TMPRSS4: variants seen among roughly 807,000 people sequenced by gnomAD.
The protein encoded by TMPRSS4 is transmembrane serine protease 4, also known as transmembrane protease serine 4.
Under a neutral mutation model 56.4 loss-of-function variants are expected in TMPRSS4, and 45 were observed. That is an observed-to-expected ratio of 0.80 (90% CI 0.63 to 1.02). The LOEUF (loss-of-function observed/expected upper bound fraction) is 1.02, where lower values mean the gene tolerates loss of function less well. TMPRSS4 is among the 50% of genes least tolerant of loss of function. TMPRSS4 has a pLI of 0.00. For synonymous variants in TMPRSS4, 205 were observed against 211.0 expected (o/e 0.97, Z 0.25); for missense variants, 546 against 556.7 (o/e 0.98, Z 0.19).
chr11:118,117,680 C>A lies in TMPRSS4; in HGVS notation c.1303-222C>A, dbSNP rs772755545. 8.1e-6 allele frequency: 8 copies of A among 985,330 alleles called. No homozygotes were observed. In the South Asian group the frequency reaches 1.9e-4, roughly 23 times the overall value. The allele number at this position is 985,330 out of a possible 1,614,324, so 61.0% of individuals were successfully genotyped here. A position where few individuals can be genotyped will look rare whatever the true frequency, so the allele number is the denominator to read the frequency against. ...ACCTTAGGGAATAGAACACACCAAG[C>A]CTTTCTTTCTCTTTTCTGACAGAAT... On this transcript the variant is annotated intron_variant, in intron 12 of 12. Coordinates refer to ENST00000437212, the MANE Select transcript of TMPRSS4 (RefSeq NM_019894.4).
rs627999 is a variant in TMPRSS4, at chr11:118,121,440, T to A, written c.*3527T>A. 1 of 152,142 alleles carries A rather than the reference T, an allele frequency of 6.6e-6. No homozygotes were observed. The allele number at this position is 152,142 out of a possible 1,614,324, so 9.4% of individuals were successfully genotyped here. A position where few individuals can be genotyped will look rare whatever the true frequency, so the allele number is the denominator to read the frequency against. On this transcript the variant is annotated 3_prime_UTR_variant, in exon 13 of 13. Transcript: ENST00000437212. Reference sequence around the variant, plus strand: ...GTGGCAGGATCTTGGCTCACTGCTATCTCCACCTCCCAGGTTCAAGTGATT... The same window carrying A: ...GTGGCAGGATCTTGGCTCACTGCTAACTCCACCTCCCAGGTTCAAGTGATT...
chr11:118,081,589 C>T (rs950903704), intron 1 of TMPRSS4, among the ~76,000 whole-genome samples: 3 of 152,238 alleles, frequency 2.0e-5, no homozygotes, highest in African/African-American at 7.2e-5. Flanking sequence ...GACATGATGG[C>T]CCCTGTCCAG....
intron 1 of TMPRSS4, among the ~76,000 whole-genome samples, chr11:118,085,251 T>G (rs1945459216): frequency 7.0e-6 from 1 of 142,360 alleles, no homozygotes; most frequent in Non-Finnish European, 1.5e-5. Flanking sequence ...TGAGACAGAG[T>G]CTAACACTGT....
At chr11:118,110,404 C>T (rs574728996) in intron 7 of TMPRSS4, among the ~76,000 whole-genome samples, 2 of 150,658 alleles carry the variant, frequency 1.3e-5, no homozygotes, top group Middle Eastern at 3.4e-3. Context: ...TAAAGTGTTG[C>T]GATCTCGGCT....
chr11:118,123,891 T>G (rs957411332), downstream of TMPRSS4, among the ~76,000 whole-genome samples: 3 of 151,960 alleles, frequency 2.0e-5, no homozygotes, highest in African/African-American at 4.8e-5. Context: ...AGATCCTGAG[T>G]TGAACAAGTT....
chr11:118,122,053 C>T (rs1947807193), downstream of TMPRSS4, among the ~76,000 whole-genome samples: 1 of 151,720 alleles, frequency 6.6e-6, no homozygotes. Flanking sequence ...TTGAAAGTAG[C>T]AATTGATGAA....
rs993847331 is a variant in TMPRSS4 at position 118,117,295 on chromosome 11, T to C, written c.1153-10T>C. On this transcript the variant is annotated splice_polypyrimidine_tract_variant and intron_variant, in intron 11 of 12. Transcript: ENST00000437212. The stretch of plus-strand genomic sequence containing the variant: ...CCCTCCCCAGCAGTCTCTGTTCTGG[T>C]CTCTCACAGGGTGACAGTGGTGGGC... The C allele has an allele frequency of 6.2e-7, 1 of 1,613,956 alleles. No individual in the cohort carries two copies. Among genetic ancestry groups the C allele is most frequent in the East Asian group, 2.2e-5 (1 of 44,876 alleles).
At chr11:118,097,586 A>T (rs892010999) in intron 2 of TMPRSS4, among the ~76,000 whole-genome samples, 3 of 152,156 alleles carry the variant, frequency 2.0e-5, no homozygotes, top group Admixed American at 1.3e-4. Context: ...TGTATCTCTG[A>T]TACTTACTGA....
At chr11:118,098,607 A>T (rs1946540517) in intron 2 of TMPRSS4, among the ~76,000 whole-genome samples, 1 of 152,210 alleles carries the variant, frequency 6.6e-6, no homozygotes, top group Non-Finnish European at 1.5e-5. Flanking sequence ...GGAGGTCAGG[A>T]AAAGGATAAA....
At chr11:118,114,432 C>T (rs973676254) in intron 9 of TMPRSS4, among the ~76,000 whole-genome samples, 4 of 152,182 alleles carry the variant, frequency 2.6e-5, no homozygotes, top group African/African-American at 9.7e-5. Flanking sequence ...AAGGCATGGC[C>T]CAGAGCCACC....
chr11:118,112,792 C>T (rs1286223050), intron 8 of TMPRSS4, among the ~76,000 whole-genome samples: 1 of 150,982 alleles, frequency 6.6e-6, no homozygotes, highest in African/African-American at 2.4e-5. Flanking sequence ...GTCTTCAAGG[C>T]ACTCATGATC....
At chr11:118,103,373 G>GTTTTTTGTTTGT in intron 4 of TMPRSS4, 120 bp downstream of exon 4, 3 of 296,532 alleles carry the variant, frequency 1.0e-5, no homozygotes, top group Admixed American at 7.3e-5. Flanking sequence ...GTTGTATAAG[G>GTTTTTTGTTTGT]TTCTTTGTTT....
chr11:118,116,769 A>AGTG (rs1565442723), intron 11 of TMPRSS4, among the ~76,000 whole-genome samples: 1 of 143,690 alleles, frequency 7.0e-6, no homozygotes, highest in South Asian at 2.3e-4. Context: ...GCTAGAGTGA[A>AGTG]GTGGTTTGAT....
chr11:118,083,194 G>A (rs1236415345), intron 1 of TMPRSS4, among the ~76,000 whole-genome samples: 2 of 152,226 alleles, frequency 1.3e-5, no homozygotes, highest in Non-Finnish European at 2.9e-5. Flanking sequence ...TACGGTTGCT[G>A]AAAACAATCT....
At chr11:118,086,543 C>T (rs689264) in intron 1 of TMPRSS4, among the ~76,000 whole-genome samples, 19,553 of 152,236 alleles carry the variant, frequency 0.13, 1,617 homozygotes, top group East Asian at 0.24. Context: ...AGATGCCCAG[C>T]GGCATATGGC....
At chr11:118,106,566 C>A (rs897746675) in intron 5 of TMPRSS4, 1 of 151,718 alleles carries the variant, frequency 6.6e-6, no homozygotes, top group African/African-American at 2.4e-5. Context: ...CTTACTGCAA[C>A]CTCCACCTCC....
chr11:118,123,437 A>T (rs1173944484), downstream of TMPRSS4, among the ~76,000 whole-genome samples: 1 of 152,208 alleles, frequency 6.6e-6, no homozygotes, highest in African/African-American at 2.4e-5. Context: ...AAATGACACC[A>T]CTAAAAGACA....
rs1555085874 is a variant in TMPRSS4 at position 118,099,499 on chromosome 11, A to AAGAAAGAAAGAAAGAAAGAC, written c.157+404_157+405insAAGAAAGAAAGAAAGACAGA. On this transcript the variant is annotated intron_variant, in intron 3 of 12. Transcript: ENST00000437212. ...AGAAAGAAAAAGAAAGAAAGAAAGA[A>AAGAAAGAAAGAAAGAAAGAC]AGACATGTATCCACCCCCTGCTTTG... Among the ~76,000 whole-genome samples the AAGAAAGAAAGAAAGAAAGAC allele has an allele frequency of 3.7e-3, 555 of 151,734 alleles. 3 individuals carry two copies. The highest frequency in any genetic ancestry group is 6.8e-3 in the Middle Eastern group (2 of 292).
At position 118,115,199 on chromosome 11, in the gene TMPRSS4, T is replaced by C. The variant is rs149414057; in HGVS notation, c.1071T>C (p.Asn357=). ...AGGTCATTGACAGCACACGGTGCAA[T>C]GCAGACGATGCGTACCAGGGGGAAG... ...SVQVIDSTRC[N]ADDAYQGEVT... The change falls in exon 11 of 13, where the codon AAT becomes AAC. Residue 357 remains asparagine, a synonymous_variant. Transcript: ENST00000437212. 189 of 1,612,792 alleles carry C rather than the reference T, an allele frequency of 1.2e-4. 1 individual carries two copies. In the East Asian group the frequency reaches 4.1e-3, roughly 35 times the overall value.
Sources: allele counts gnomAD v4.1 joint callset (sites outside exome capture counted in the v4.1 genomes callset), GRCh38; gene constraint gnomAD v4.1.1; transcripts MANE v1.5; gene names NCBI Gene and HGNC (gene_info 2026-07-23, HGNC 2026-07-21).